Variants in MAP2K1 observed in about 807,000 individuals in gnomAD.
MAP2K1 encodes the protein mitogen-activated protein kinase kinase 1, also known as dual specificity mitogen-activated protein kinase kinase 1.
Under a neutral mutation model 46.3 loss-of-function variants are expected in MAP2K1, and 16 were observed. The observed-to-expected ratio is 0.35, with a 90% CI of 0.23 to 0.52. MAP2K1 has a LOEUF of 0.52. Ranked by LOEUF, MAP2K1 falls within the 20% of genes least tolerant of loss-of-function variation. The probability of loss-of-function intolerance (pLI) is 0.94; values close to 1 mark genes in which losing one functional copy is unlikely to be tolerated. For missense variants in MAP2K1, 263 were observed against 497.1 expected, an observed-to-expected ratio of 0.53 and a Z score of 4.48; for synonymous variants, 183 against 185.6, an observed-to-expected ratio of 0.99 and a Z score of 0.11.
intron 5 of MAP2K1, among the ~76,000 whole-genome samples, chr15:66,459,383 A>G (rs141595100): frequency 0.027 from 4,118 of 151,876 alleles, 94 homozygotes; most frequent in Non-Finnish European, 0.038. Context: ...TTGGGAGGCC[A>G]AGATGGGTGG....
chr15:66,428,084 C>T (rs1444582269), intron 1 of MAP2K1, among the ~76,000 whole-genome samples: 12 of 152,138 alleles, frequency 7.9e-5, no homozygotes, highest in Admixed American at 7.9e-4. Flanking sequence ...CCCAGATAGC[C>T]TGACTCCCAG....
At chr15:66,460,352 T>G (rs1455673435) in intron 5 of MAP2K1, among the ~76,000 whole-genome samples, 1 of 152,132 alleles carries the variant, frequency 6.6e-6, no homozygotes, top group Non-Finnish European at 1.5e-5. Flanking sequence ...TAGGGAAGCA[T>G]GGAGGAGATG....
chr15:66,421,538 C>T (rs1241210211), intron 1 of MAP2K1, among the ~76,000 whole-genome samples: 1 of 151,498 alleles, frequency 6.6e-6, no homozygotes, highest in African/African-American at 2.4e-5. Flanking sequence ...CAGTGGTTCA[C>T]GCCTGTAATC....
At chr15:66,460,797 G>C (rs1249076551) in intron 5 of MAP2K1, among the ~76,000 whole-genome samples, 1 of 152,122 alleles carries the variant, frequency 6.6e-6, no homozygotes, top group Non-Finnish European at 1.5e-5. Context: ...TAGTGGCAGA[G>C]TGAAGGGACA....
intron 1 of MAP2K1, among the ~76,000 whole-genome samples, chr15:66,391,137 C>T (rs1290477072): frequency 6.6e-6 from 1 of 151,356 alleles, no homozygotes; most frequent in Non-Finnish European, 1.5e-5. Context: ...AGTGATTCTA[C>T]CACCTCAGCC....
chr15:66,422,439 G>A (rs1375575271), intron 1 of MAP2K1, among the ~76,000 whole-genome samples: 3 of 152,162 alleles, frequency 2.0e-5, no homozygotes, highest in Non-Finnish European at 2.9e-5. Context: ...ACAGTTGCTT[G>A]AACATTTGTA....
At chr15:66,415,315 TC>T in intron 1 of MAP2K1, 1 of 316,578 alleles carries the variant, frequency 3.2e-6, no homozygotes, top group Middle Eastern at 1.1e-3. Flanking sequence ...ACAAAGACAC[TC>T]CTATTACTTG....
intron 5 of MAP2K1, among the ~76,000 whole-genome samples, chr15:66,452,865 T>C (rs1447715426): frequency 6.6e-6 from 1 of 152,228 alleles, no homozygotes; most frequent in African/African-American, 2.4e-5. Flanking sequence ...GTGTAAAATA[T>C]AGTTCTTATG....
Position 66,442,495 on chromosome 15 carries a change from G to GA in MAP2K1, c.439-783dup, listed in dbSNP as rs575435797. On this transcript the variant is annotated intron_variant, in intron 3 of 10. Coordinates refer to ENST00000307102, the MANE Select transcript of MAP2K1 (RefSeq NM_002755.4). Reference sequence around the variant, plus strand: ...AAATGCCATCTTTTAAGTGAAGTCAGAATTACTTCTCCCTTCTTCTGCATG... The same window carrying GA: ...AAATGCCATCTTTTAAGTGAAGTCAGAAATTACTTCTCCCTTCTTCTGCATG... Among the ~76,000 whole-genome samples, 837 of 152,220 alleles carry GA rather than the reference G, an allele frequency of 5.5e-3. 9 individuals carry two copies. Among genetic ancestry groups the GA allele is most frequent in the Non-Finnish European group, 8.8e-3 (601 of 68,000 alleles).
rs1555412520 is a variant in MAP2K1 at position 66,392,279 on chromosome 15, T to TA, written c.80+4854dup. On this transcript the variant is annotated intron_variant, in intron 1 of 10. Coordinates refer to ENST00000307102, the MANE Select transcript of MAP2K1 (RefSeq NM_002755.4). Reference sequence around the variant, plus strand: ...GGTTTTTTTTTTTTTTTTTTTTTTTTAAGAAAGGGTTTCGCTCCCACTGCC... The same window carrying TA: ...GGTTTTTTTTTTTTTTTTTTTTTTTTAAAGAAAGGGTTTCGCTCCCACTGCC... 3.4e-4 allele frequency among the ~76,000 whole-genome samples: 46 copies of TA among 133,448 alleles called. 1 individual carries two copies. The highest frequency in any genetic ancestry group is 1.4e-3 in the Admixed American group (18 of 12,578). 87.5% of individuals were successfully genotyped at this position (133,448 alleles called of 152,430 possible).
chr15:66,436,665 A>T (rs1209176206), intron 2 of MAP2K1, 81 bp from the exon 3 acceptor site: 1 of 1,388,824 alleles, frequency 7.2e-7, no homozygotes, highest in Non-Finnish European at 1.0e-6. Context: ...TAAAGAGCTT[A>T]AACATTTAAC....
intron 3 of MAP2K1, among the ~76,000 whole-genome samples, chr15:66,442,128 A>G (rs1229797813): frequency 1.3e-5 from 2 of 151,976 alleles, no homozygotes; most frequent in Non-Finnish European, 2.9e-5. Context: ...CACCCCATTC[A>G]TGTCATCTCA....
chr15:66,421,704 G>A (rs118021541), intron 1 of MAP2K1, among the ~76,000 whole-genome samples: 2 of 151,490 alleles, frequency 1.3e-5, no homozygotes, highest in African/African-American at 4.8e-5. Context: ...GGAGGCTGAG[G>A]TGGGAGGAAC....
At chr15:66,428,778 T>TTA (rs2093466928) in intron 1 of MAP2K1, among the ~76,000 whole-genome samples, 2 of 130,122 alleles carry the variant, frequency 1.5e-5, no homozygotes, top group African/African-American at 6.3e-5. Context: ...CTTTCCTTTT[T>TTA]TTTTTTTTTT....
intron 5 of MAP2K1, among the ~76,000 whole-genome samples, chr15:66,480,238 A>G (rs957044060): frequency 1.3e-5 from 2 of 151,922 alleles, no homozygotes; most frequent in South Asian, 2.1e-4. Context: ...ACAGGCGCCC[A>G]CCACCACTCC....
chr15:66,408,035 C>T (rs946543777), intron 1 of MAP2K1, among the ~76,000 whole-genome samples: 1 of 152,182 alleles, frequency 6.6e-6, no homozygotes, highest in African/African-American at 2.4e-5. Context: ...TGTCTGTGGT[C>T]TTGTGCAAGT....
intron 5 of MAP2K1, among the ~76,000 whole-genome samples, chr15:66,467,230 G>A (rs577615816): frequency 7.2e-5 from 11 of 151,926 alleles, no homozygotes; most frequent in Admixed American, 5.2e-4. Flanking sequence ...GCGAAACTCC[G>A]TCTCAAAAAG....
intron 5 of MAP2K1, among the ~76,000 whole-genome samples, chr15:66,448,795 A>C (rs1457332362): frequency 2.6e-5 from 4 of 152,076 alleles, no homozygotes; most frequent in Non-Finnish European, 5.9e-5. Context: ...CAAGGTCAGG[A>C]GTTCAAGACC....
intron 1 of MAP2K1, among the ~76,000 whole-genome samples, chr15:66,389,106 A>AC (rs748562575): frequency 1.3e-4 from 19 of 151,682 alleles, no homozygotes; most frequent in Non-Finnish European, 2.6e-4. Flanking sequence ...GGGTTTCTCC[A>AC]AGTTGTTCAG....
Sources: gnomAD v4.1 joint callset for allele counts (sites outside exome capture counted in the v4.1 genomes callset) on GRCh38, gnomAD v4.1.1 for gene constraint, MANE v1.5 for transcripts, NCBI Gene and HGNC (gene_info 2026-07-23, HGNC 2026-07-21) for gene names.